Variants in SYNPR observed in about 807,000 individuals in gnomAD.
SYNPR encodes synaptoporin.
A neutral mutation model predicts 32.9 loss-of-function variants in SYNPR; 23 were observed. The observed-to-expected ratio is 0.70, with a 90% CI of 0.50 to 0.99. SYNPR has a LOEUF of 0.99. Among genes scored for constraint, SYNPR ranks in the 50% least tolerant of loss-of-function variants. The probability of loss-of-function intolerance (pLI) is 0.00; values close to 1 mark genes in which losing one functional copy is unlikely to be tolerated. For synonymous variants in SYNPR, 146 were observed against 135.9 expected (o/e 1.07, Z -0.52); for missense variants, 318 against 349.3 (o/e 0.91, Z 0.71).
chr3:63,252,908 G>A (rs562080439), intron 2 of SYNPR, among the ~76,000 whole-genome samples: 3 of 151,964 alleles, frequency 2.0e-5, no homozygotes, highest in African/African-American at 2.4e-5. Flanking sequence ...GCATGGTAGC[G>A]CTCGCCTGTA....
At chr3:63,506,695 T>C (rs1177169425) in intron 3 of SYNPR, among the ~76,000 whole-genome samples, 1 of 152,184 alleles carries the variant, frequency 6.6e-6, no homozygotes, top group East Asian at 1.9e-4. Flanking sequence ...ACACAATTAG[T>C]TTTTCATATG....
chr3:63,358,625 GAA>G lies in SYNPR; in HGVS notation c.84+79893_84+79894del, dbSNP rs71126596. The stretch of plus-strand genomic sequence containing the variant: ...TATTCTATATATCCTCATAATACAT[GAA>G]AAAAAAAAACCTAAGAATGAGGACA... On this transcript the variant is annotated intron_variant, in intron 2 of 5. Coordinates refer to ENST00000478300, the MANE Select transcript of SYNPR (RefSeq NM_001130003.2). Among the ~76,000 whole-genome samples, 1,335 of 149,902 alleles carry G rather than the reference GAA, an allele frequency of 8.9e-3. 27 individuals are homozygous for G. The highest frequency in any genetic ancestry group is 0.03 in the African/African-American group (1,220 of 40,826).
At chr3:63,352,383 T>C (rs758185347) in intron 2 of SYNPR, among the ~76,000 whole-genome samples, 1 of 152,124 alleles carries the variant, frequency 6.6e-6, no homozygotes. Context: ...AGGCCTATAG[T>C]GAGGACTGTG....
chr3:63,270,157 T>C (rs908837582), intron 3 of SYNPR, among the ~76,000 whole-genome samples: 2 of 152,128 alleles, frequency 1.3e-5, no homozygotes, highest in African/African-American at 4.8e-5. Context: ...TCTAAAGTAC[T>C]CTCGGAACCA....
At chr3:63,213,502 GCTCT>G in the SYNPR span, among the ~76,000 whole-genome samples, 1 of 3,778 alleles carries the variant, frequency 2.6e-4, no homozygotes, top group East Asian at 1.6e-3. Flanking sequence ...TCATGATTTG[GCTCT>G]CTGTTTGTCT....
At chr3:63,340,785 A>C (rs1277962608) in intron 2 of SYNPR, among the ~76,000 whole-genome samples, 2 of 152,112 alleles carry the variant, frequency 1.3e-5, no homozygotes, top group Non-Finnish European at 2.9e-5. Context: ...GAATTCTCAT[A>C]TCCCCCCTTC....
At chr3:63,256,565 C>A (rs1334369270) in intron 2 of SYNPR, among the ~76,000 whole-genome samples, 9 of 152,198 alleles carry the variant, frequency 5.9e-5, no homozygotes, top group African/African-American at 2.2e-4. Flanking sequence ...AAAACCCCAT[C>A]TGTATGTCAC....
chr3:63,464,101 A>G (rs1191717390), intron 2 of SYNPR, among the ~76,000 whole-genome samples: 1 of 152,174 alleles, frequency 6.6e-6, no homozygotes, highest in Non-Finnish European at 1.5e-5. Flanking sequence ...AATTCAACAA[A>G]TTAATATTAA....
intron 2 of SYNPR, among the ~76,000 whole-genome samples, chr3:63,442,051 G>A (rs1700187599): frequency 6.6e-6 from 1 of 152,110 alleles, no homozygotes; most frequent in Non-Finnish European, 1.5e-5. Context: ...TTTTTTGGTT[G>A]GTTGGTTTGG....
chr3:63,382,222 C>T (rs767060846), intron 2 of SYNPR, among the ~76,000 whole-genome samples: 4 of 152,164 alleles, frequency 2.6e-5, no homozygotes, highest in Non-Finnish European at 5.9e-5. Flanking sequence ...GGATGGAAAT[C>T]CAGGCTCCCA....
intron 2 of SYNPR, among the ~76,000 whole-genome samples, chr3:63,457,154 G>A (rs1700497946): frequency 6.6e-6 from 1 of 152,034 alleles, no homozygotes; most frequent in Non-Finnish European, 1.5e-5. Flanking sequence ...GTTATCTGGT[G>A]CCACGATGCA....
intron 2 of SYNPR, among the ~76,000 whole-genome samples, chr3:63,302,849 G>T (rs1445132727): frequency 2.6e-5 from 4 of 151,808 alleles, no homozygotes; most frequent in Non-Finnish European, 4.4e-5. Flanking sequence ...AAATCAGTAG[G>T]GTGACTATAG....
chr3:63,419,621 A>T (rs2088582065), intron 2 of SYNPR, among the ~76,000 whole-genome samples: 1 of 152,174 alleles, frequency 6.6e-6, no homozygotes, highest in Non-Finnish European at 1.5e-5. Context: ...TTCTTGAAAA[A>T]CTAAAAAATC....
At chr3:63,351,081 C>T (rs1434283831) in intron 2 of SYNPR, among the ~76,000 whole-genome samples, 1 of 152,044 alleles carries the variant, frequency 6.6e-6, no homozygotes, top group African/African-American at 2.4e-5. Context: ...GTAGACTGTC[C>T]TAAAGTGAAC....
intron 2 of SYNPR, among the ~76,000 whole-genome samples, chr3:63,402,212 G>T (rs1404385395): frequency 1.3e-5 from 2 of 152,102 alleles, no homozygotes; most frequent in African/African-American, 2.4e-5. Flanking sequence ...GCTGTTCTGT[G>T]CACTCTGGGA....
chr3:63,557,147 A>G (rs1702608951), intron 4 of SYNPR, among the ~76,000 whole-genome samples: 1 of 152,082 alleles, frequency 6.6e-6, no homozygotes, highest in African/African-American at 2.4e-5. Flanking sequence ...TTTCCTACCA[A>G]TTCCTTACCC....
chr3:63,565,082 A>G (rs771536870), intron 4 of SYNPR, among the ~76,000 whole-genome samples: 1 of 152,132 alleles, frequency 6.6e-6, no homozygotes, highest in Non-Finnish European at 1.5e-5. Flanking sequence ...TGTCTTTCCT[A>G]TATGTTTTCT....
chr3:63,409,920 C>T (rs62251406), intron 2 of SYNPR, among the ~76,000 whole-genome samples: 5,352 of 152,252 alleles, frequency 0.035, 137 homozygotes, highest in Non-Finnish European at 0.056. Context: ...ATGCACAATT[C>T]GTGTTCTCTT....
intron 2 of SYNPR, among the ~76,000 whole-genome samples, chr3:63,354,456 A>C (rs761541522): frequency 2.6e-5 from 4 of 152,182 alleles, no homozygotes; most frequent in Non-Finnish European, 4.4e-5. Context: ...TTTGCTTTGC[A>C]AGTCCCTTGT....
Sources: allele counts gnomAD v4.1 joint callset (sites outside exome capture counted in the v4.1 genomes callset), GRCh38; gene constraint gnomAD v4.1.1; transcripts MANE v1.5; gene names NCBI Gene and HGNC (gene_info 2026-07-23, HGNC 2026-07-21).